PHF6: variants seen among roughly 807,000 people sequenced by gnomAD.
PHF6 encodes the protein PHD-like zinc finger protein.
A neutral mutation model predicts 34.0 loss-of-function variants in PHF6; 7 were observed. That is an observed-to-expected ratio of 0.21 (90% CI 0.12 to 0.39). The LOEUF is 0.39. PHF6 is among the 10% of genes least tolerant of loss of function. The pLI, the probability that PHF6 is intolerant of heterozygous loss-of-function variation, is 1.00. For synonymous variants in PHF6, 89 were observed against 88.4 expected (o/e 1.01, Z -0.04); for missense variants, 128 against 262.8 (o/e 0.49, Z 3.55).
At chrX:134,409,182 A>G (rs2077438683) in intron 5 of PHF6, among the ~76,000 whole-genome samples, 1 of 111,904 alleles carries the variant, frequency 8.9e-6, no homozygotes, top group African/African-American at 3.2e-5. Context: ...AGTTTACTTT[A>G]CAATTAGATT....
rs578058119 is a variant in PHF6 at position 134,384,605 on chromosome X, A to G, written c.240+6499A>G. 1.4e-4 allele frequency among the ~76,000 whole-genome samples: 15 copies of G among 108,664 alleles called. No homozygotes were observed. The East Asian group carries it at 2.3e-3, about 17-fold the overall frequency. The allele number at this position is 108,664 out of a possible 115,157, so 94.4% of individuals were successfully genotyped here. A position where few individuals can be genotyped will look rare whatever the true frequency, so the allele number is the denominator to read the frequency against. On this transcript the variant is annotated intron_variant, in intron 3 of 10. Coordinates refer to ENST00000370803, the MANE Select transcript of PHF6 (RefSeq NM_001015877.2). ...TCCTTCTTCCATATCAGTCACGTCAATTCTATTTGTGGGATATCTCTGCCT... is the reference window on the plus strand; with the variant it reads ...TCCTTCTTCCATATCAGTCACGTCAGTTCTATTTGTGGGATATCTCTGCCT...
chrX:134,389,103 C>G (rs1166042612), intron 3 of PHF6, among the ~76,000 whole-genome samples: 1 of 111,478 alleles, frequency 9.0e-6, no homozygotes, highest in African/African-American at 3.3e-5. Flanking sequence ...ACTAGGTCGA[C>G]TAGGTAGCAA....
At chrX:134,376,864 T>A (rs2077279899) in intron 1 of PHF6, among the ~76,000 whole-genome samples, 1 of 112,276 alleles carries the variant, frequency 8.9e-6, no homozygotes, top group Admixed American at 9.5e-5. Flanking sequence ...CTGATTTTTT[T>A]AAACTCAGAA....
At chrX:134,409,270 G>A (rs1352427057) in intron 5 of PHF6, among the ~76,000 whole-genome samples, 3 of 111,335 alleles carry the variant, frequency 2.7e-5, no homozygotes, top group African/African-American at 9.8e-5. Flanking sequence ...GTGCCATTAT[G>A]TCTTTTCCAC....
intron 5 of PHF6, among the ~76,000 whole-genome samples, chrX:134,404,874 T>C (rs1387751941): frequency 1.8e-5 from 2 of 112,073 alleles, no homozygotes; most frequent in Non-Finnish European, 3.8e-5. Flanking sequence ...CCTTTTTTTA[T>C]ACATAATGCT....
intron 5 of PHF6, among the ~76,000 whole-genome samples, chrX:134,400,414 T>A (rs925867741): frequency 1.1e-5 from 1 of 93,986 alleles, no homozygotes; most frequent in Non-Finnish European, 2.1e-5. Flanking sequence ...TTTTTTTTTT[T>A]AGGAGGAGAA....
At chrX:134,395,252 GCTTT>G (rs1340623597) in intron 5 of PHF6, among the ~76,000 whole-genome samples, 4 of 112,110 alleles carry the variant, frequency 3.6e-5, no homozygotes. Context: ...TGATCACCAG[GCTTT>G]CTGTTATATT....
rs1321642466 is a variant in PHF6 at position 134,428,510 on chromosome X, AT to A, written c.*2851del. 1 of 156,919 alleles carries A rather than the reference AT, an allele frequency of 6.4e-6. No individual in the cohort carries two copies. Among genetic ancestry groups the A allele is most frequent in the African/African-American group, 3.0e-5 (1 of 32,982 alleles). The allele number at this position is 156,919 out of a possible 1,213,427, so 12.9% of individuals were successfully genotyped here. ...TTGAACAAATGTGTGAATCTCAAAT[AT>A]CTCAAAGCAAAAGAAAAAGTGTTCT... On this transcript the variant is annotated 3_prime_UTR_variant, in exon 11 of 11. Transcript: ENST00000370803.
In PHF6 at chrX:134,415,000, C is replaced by T. The variant is rs1279888971; in HGVS notation, c.730-16C>T. 8.4e-7 allele frequency: 1 copy of T among 1,188,683 alleles called. No individual in the cohort carries two copies. Among genetic ancestry groups the T allele is most frequent in the East Asian group, 3.0e-5 (1 of 33,685 alleles). Reference sequence around the variant, plus strand: ...AGGATTCTGAATGTTAATTTTCCTGCATTTTTCTTCTCTAGTTGTTTTCTT... The same window carrying T: ...AGGATTCTGAATGTTAATTTTCCTGTATTTTTCTTCTCTAGTTGTTTTCTT... On this transcript the variant is annotated splice_polypyrimidine_tract_variant and intron_variant, in intron 7 of 10. Transcript: ENST00000370803.
At chrX:134,425,502 C>G (rs934977757) in intron 10 of PHF6, 159 bp from the exon 11 acceptor site, 2 of 523,168 alleles carry the variant, frequency 3.8e-6, no homozygotes, top group Non-Finnish European at 6.2e-6. Context: ...TGTTTTTTAA[C>G]TAGCTGATTT....
chrX:134,425,533 A>C, intron 10 of PHF6, 128 bp from the exon 11 acceptor site: 1 of 423,303 alleles, frequency 2.4e-6, no homozygotes, highest in Admixed American at 4.1e-5. Context: ...AAAACAAGCT[A>C]TCTGCTTTAT....
intron 3 of PHF6, among the ~76,000 whole-genome samples, chrX:134,392,871 C>T (rs1270719678): frequency 9.1e-6 from 1 of 109,724 alleles, no homozygotes; most frequent in Non-Finnish European, 1.9e-5. Context: ...ACGATCTTGG[C>T]TCACTGCAGC....
Position 134,413,924 on chromosome X carries a change from T to C in PHF6, c.687T>C (p.His229=), listed in dbSNP as rs1325715576. 1 of 1,208,460 alleles carries C rather than the reference T, an allele frequency of 8.3e-7. No individual in the cohort carries two copies. Among genetic ancestry groups the C allele is most frequent in the African/African-American group, 1.8e-5 (1 of 57,035 alleles). The change falls in exon 7 of 11, where the codon CAT becomes CAC. Residue 229 remains histidine (H), a synonymous_variant. Coordinates refer to ENST00000370803, the MANE Select transcript of PHF6 (RefSeq NM_001015877.2). The part of the protein sequence containing the change: ...EEENEARGKL[H]IFNAKKAAAH... ...AAAATGAAGCACGAGGAAAACTGCATATATTTAATGCCAAGAAGGCAGCTG... is the reference window on the plus strand; with the variant it reads ...AAAATGAAGCACGAGGAAAACTGCACATATTTAATGCCAAGAAGGCAGCTG...
intron 5 of PHF6, among the ~76,000 whole-genome samples, chrX:134,408,570 G>GTT (rs59700112): frequency 3.7e-4 from 41 of 110,755 alleles, no homozygotes; most frequent in African/African-American, 1.3e-3. Flanking sequence ...CTCTGTTCAT[G>GTT]TTTTTTTGTC....
intron 3 of PHF6, among the ~76,000 whole-genome samples, chrX:134,390,114 G>T (rs1245285526): frequency 2.7e-5 from 3 of 111,815 alleles, no homozygotes; most frequent in African/African-American, 9.7e-5. Context: ...TTATTTTAGA[G>T]GTTGGAATAT....
rs747387476 is a variant in PHF6, at chrX:134,410,859, C to T, written c.419-2632C>T. ...AGAGACAGGTTTTCACCTTGTTGGC[C>T]AGGCTGGTCTCGAACTCGTGACCTC... is the stretch of plus-strand genomic sequence containing the variant. On this transcript the variant is annotated intron_variant, in intron 5 of 10. Transcript: ENST00000370803. 3.0e-4 allele frequency among the ~76,000 whole-genome samples: 32 copies of T among 108,254 alleles called. No homozygotes were observed. In the South Asian group the frequency reaches 5.2e-3, roughly 18 times the overall value. The allele number at this position is 108,254 out of a possible 115,157, so 94.0% of individuals were successfully genotyped here.
Position 134,377,558 on chromosome X carries a change from C to G in PHF6, c.-46-14C>G. ...AAATAAAATTAACATTGTCGCCCTT[C>G]TTATTCTCTGTAGCATTTCTTGAGA... On this transcript the variant is annotated splice_polypyrimidine_tract_variant and intron_variant, in intron 1 of 10. Transcript: ENST00000370803. 1 of 1,111,319 alleles carries G rather than the reference C, an allele frequency of 9.0e-7. No individual in the cohort carries two copies. The highest frequency in any genetic ancestry group is 1.2e-6 in the Non-Finnish European group (1 of 821,430). The allele number at this position is 1,111,319 out of a possible 1,213,427, so 91.6% of individuals were successfully genotyped here.
rs192804916 is a variant in PHF6 at position 134,390,082 on chromosome X, A to G, written c.241-3419A>G. Among the ~76,000 whole-genome samples the G allele has an allele frequency of 5.0e-4, 56 of 112,074 alleles. 4 individuals are homozygous for G. In the East Asian group the frequency reaches 6.4e-3, roughly 13 times the overall value. On this transcript the variant is annotated intron_variant, in intron 3 of 10. Transcript: ENST00000370803. Reference sequence around the variant, plus strand: ...ATGAACAGTATATATCTTGAGTCCCATAGGAGTTTAGAGAAAAAGGATTAT... The same window carrying G: ...ATGAACAGTATATATCTTGAGTCCCGTAGGAGTTTAGAGAAAAAGGATTAT...
intron 3 of PHF6, among the ~76,000 whole-genome samples, chrX:134,383,532 G>T (rs762060190): frequency 9.0e-6 from 1 of 111,060 alleles, no homozygotes; most frequent in South Asian, 3.7e-4. Context: ...TTTTACTCAT[G>T]TCTTATGAAA....
Sources: gnomAD v4.1 joint callset for allele counts (sites outside exome capture counted in the v4.1 genomes callset) on GRCh38, gnomAD v4.1.1 for gene constraint, MANE v1.5 for transcripts, NCBI Gene and HGNC (gene_info 2026-07-23, HGNC 2026-07-21) for gene names.